Variants in FAM13A observed in about 807,000 individuals in gnomAD.
The protein encoded by FAM13A is family with sequence similarity 13 member A, also known as protein FAM13A.
A neutral mutation model predicts 129.6 loss-of-function variants in FAM13A; 76 were observed. The ratio of observed to expected loss-of-function variants is 0.59; its 90% confidence interval spans 0.49 to 0.71. FAM13A has a LOEUF of 0.71. Among genes scored for constraint, FAM13A ranks in the 30% least tolerant of loss-of-function variants. The pLI is 0.00. For synonymous variants in FAM13A, 443 were observed against 449.9 expected (o/e 0.98, Z 0.20); for missense variants, 1,108 against 1,249.3 (o/e 0.89, Z 1.70).
intron 3 of FAM13A, among the ~76,000 whole-genome samples, chr4:89,013,461 T>C (rs1484956819): frequency 2.0e-5 from 3 of 151,662 alleles, no homozygotes; most frequent in Non-Finnish European, 4.4e-5. Context: ...ATTCCCTCTA[T>C]TTGGCAGCTT....
At position 88,816,403 on chromosome 4, in the gene FAM13A, AT is replaced by A. The variant is rs148908964; in HGVS notation, c.1008-11352del. ...ATTTATATGGAAAGCTTTAGAAATT[AT>A]GTCGACAATAGTGTTCTGATATGCT... On this transcript the variant is annotated intron_variant, in intron 7 of 23. Transcript: ENST00000264344. Among the ~76,000 whole-genome samples the A allele has an allele frequency of 4.6e-3, 704 of 152,320 alleles. 10 individuals are homozygous for A. The highest frequency in any genetic ancestry group is 0.016 in the African/African-American group (647 of 41,572).
chr4:88,786,139 C>G (rs1723915784), intron 10 of FAM13A, among the ~76,000 whole-genome samples: 1 of 152,108 alleles, frequency 6.6e-6, no homozygotes, highest in Admixed American at 6.6e-5. Context: ...TCACATTTCC[C>G]TGCCCTGTCT....
chr4:89,022,118 C>T (rs1767347034), intron 2 of FAM13A, among the ~76,000 whole-genome samples: 2 of 152,154 alleles, frequency 1.3e-5, no homozygotes, highest in Admixed American at 6.5e-5. Flanking sequence ...TGAAGCCTAT[C>T]AGGATTTTTT....
At chr4:88,982,962 C>T (rs1761820214) in intron 4 of FAM13A, among the ~76,000 whole-genome samples, 1 of 152,102 alleles carries the variant, frequency 6.6e-6, no homozygotes, top group South Asian at 2.1e-4. Flanking sequence ...CAGCTCACCT[C>T]CAGTGATTGA....
intron 6 of FAM13A, among the ~76,000 whole-genome samples, chr4:88,884,040 C>A (rs557153890): frequency 1.3e-5 from 2 of 151,912 alleles, no homozygotes; most frequent in African/African-American, 4.8e-5. Context: ...AAAAAAAAGT[C>A]CAGGAAAAGA....
intron 7 of FAM13A, among the ~76,000 whole-genome samples, chr4:88,828,189 T>A (rs1364441977): frequency 6.6e-6 from 1 of 152,180 alleles, no homozygotes; most frequent in Non-Finnish European, 1.5e-5. Flanking sequence ...CAGGCTGGAG[T>A]GTAATGGCAG....
At chr4:88,745,417 T>C (rs1409828498) in intron 19 of FAM13A, among the ~76,000 whole-genome samples, 6 of 152,154 alleles carry the variant, frequency 3.9e-5, no homozygotes, top group Admixed American at 2.6e-4. Context: ...AAATACTCAA[T>C]TGGCAGCAAG....
intron 14 of FAM13A, among the ~76,000 whole-genome samples, chr4:88,757,145 G>C (rs1242927081): frequency 6.6e-6 from 1 of 152,038 alleles, no homozygotes; most frequent in Non-Finnish European, 1.5e-5. Context: ...ATAGTTTTAA[G>C]GAAACTATAA....
At chr4:88,738,370 C>T (rs749775560) in intron 20 of FAM13A, among the ~76,000 whole-genome samples, 4 of 152,108 alleles carry the variant, frequency 2.6e-5, no homozygotes, top group African/African-American at 7.2e-5. Flanking sequence ...GGGGTGGAAA[C>T]GCTGAGTCTG....
Position 88,930,868 on chromosome 4 carries a change from G to A in FAM13A, c.759+7220C>T, listed in dbSNP as rs866322191. Among the ~76,000 whole-genome samples, 7 of 152,150 alleles carry A rather than the reference G, an allele frequency of 4.6e-5. No homozygotes were observed. The East Asian group carries it at 9.6e-4, about 21-fold the overall frequency. ...CAGCCTATTCTGCAGTCCCACAGCC[G>A]CTTATAGCAAGGTGATATGTATTGT... On this transcript the variant is annotated intron_variant, in intron 5 of 23. Transcript: ENST00000264344.
At chr4:88,993,585 T>C (rs1763177911) in intron 3 of FAM13A, among the ~76,000 whole-genome samples, 1 of 152,196 alleles carries the variant, frequency 6.6e-6, no homozygotes. Flanking sequence ...AGCAGCAGCA[T>C]TTTCATCATT....
chr4:88,827,667 C>A (rs545329785), intron 7 of FAM13A, among the ~76,000 whole-genome samples: 1 of 152,318 alleles, frequency 6.6e-6, no homozygotes, highest in African/African-American at 2.4e-5. Flanking sequence ...TCCCTCTCCT[C>A]TCCTACCCTC....
chr4:88,905,633 A>G (rs185287265), intron 6 of FAM13A: 56 of 152,102 alleles, frequency 3.7e-4, no homozygotes, highest in African/African-American at 1.3e-3. Flanking sequence ...TTTAGCTCCT[A>G]TTTATAAGTG....
At chr4:89,015,241 C>T (rs769791804) in intron 3 of FAM13A, among the ~76,000 whole-genome samples, 21 of 152,260 alleles carry the variant, frequency 1.4e-4, no homozygotes, top group South Asian at 2.1e-4. Context: ...AATTTCGCCC[C>T]GGTCCTGTGA....
chr4:88,946,819 TC>T (rs1245853456), intron 4 of FAM13A, among the ~76,000 whole-genome samples: 3 of 152,118 alleles, frequency 2.0e-5, no homozygotes, highest in Admixed American at 2.0e-4. Flanking sequence ...GTACACTGTG[TC>T]CCCTTACAAA....
intron 6 of FAM13A, among the ~76,000 whole-genome samples, chr4:88,904,158 C>T (rs1237000754): frequency 1.3e-5 from 2 of 152,078 alleles, no homozygotes; most frequent in Non-Finnish European, 2.9e-5. Context: ...AATGCTTTTA[C>T]AGTGTTGGTG....
chr4:89,025,334 G>A lies in FAM13A; in HGVS notation c.217+4126C>T, dbSNP rs922043240. ...CTGCGGACTGCAGTGGCGCAATCTCGGCTCACTGCAAGCTCCGCTTCCCGG... is the reference window on the plus strand; with the variant it reads ...CTGCGGACTGCAGTGGCGCAATCTCAGCTCACTGCAAGCTCCGCTTCCCGG... On this transcript the variant is annotated intron_variant, in intron 2 of 23. Coordinates refer to ENST00000264344, the MANE Select transcript of FAM13A (RefSeq NM_014883.4). 5.2e-5 allele frequency among the ~76,000 whole-genome samples: 7 copies of A among 134,258 alleles called. No individual in the cohort carries two copies. The South Asian group carries it at 1.7e-3, about 32-fold the overall frequency. 88.1% of individuals were successfully genotyped at this position (134,258 alleles called of 152,430 possible). A position where few individuals can be genotyped will look rare whatever the true frequency, so the allele number is the denominator to read the frequency against.
chr4:88,879,542 C>G (rs984697478), intron 6 of FAM13A, among the ~76,000 whole-genome samples: 1 of 151,900 alleles, frequency 6.6e-6, no homozygotes, highest in Admixed American at 6.6e-5. Flanking sequence ...TCACCAAATA[C>G]TGGTAAAGCC....
chr4:89,002,886 G>T (rs972726039), intron 3 of FAM13A, among the ~76,000 whole-genome samples: 1 of 151,976 alleles, frequency 6.6e-6, no homozygotes, highest in Non-Finnish European at 1.5e-5. Context: ...GATTATTTTG[G>T]ATATTAAAAA....
Sources: allele counts gnomAD v4.1 joint callset (sites outside exome capture counted in the v4.1 genomes callset), GRCh38; gene constraint gnomAD v4.1.1; transcripts MANE v1.5; gene names NCBI Gene and HGNC (gene_info 2026-07-23, HGNC 2026-07-21).